VIRMA: variants seen among roughly 807,000 people sequenced by gnomAD.
VIRMA encodes vir like m6A methyltransferase associated.
Under a neutral mutation model 182.4 loss-of-function variants are expected in VIRMA, and 65 were observed. The observed-to-expected ratio is 0.36, with a 90% confidence interval of 0.29 to 0.44. The LOEUF is 0.44. VIRMA is among the 20% of genes least tolerant of loss of function. The pLI is 1.00. For missense variants in VIRMA, 1,752 were observed against 2,158.1 expected, an observed-to-expected ratio of 0.81 and a Z score of 3.73; for synonymous variants, 709 against 743.1, an observed-to-expected ratio of 0.95 and a Z score of 0.75.
At chr8:94,527,648 T>C (rs980701991) in intron 7 of VIRMA, among the ~76,000 whole-genome samples, 2 of 152,220 alleles carry the variant, frequency 1.3e-5, no homozygotes, top group African/African-American at 2.4e-5. Context: ...CTGTAACAGA[T>C]ATCTTTTCCT....
At chr8:94,525,097 C>T (rs1814910333) in intron 8 of VIRMA, among the ~76,000 whole-genome samples, 1 of 152,162 alleles carries the variant, frequency 6.6e-6, no homozygotes, top group Admixed American at 6.5e-5. Flanking sequence ...GCCTCTCTAC[C>T]TTTCTTTCTC....
At chr8:94,520,934 G>A (rs1190975735) in intron 8 of VIRMA, among the ~76,000 whole-genome samples, 3 of 152,142 alleles carry the variant, frequency 2.0e-5, no homozygotes, top group Non-Finnish European at 4.4e-5. Flanking sequence ...ATCTAGCTAT[G>A]TTGCCCAGGC....
At position 94,534,891 on chromosome 8, in the gene VIRMA, T is replaced by TGGA; in HGVS notation, c.429_431dup (p.Pro149dup). 6.2e-7 allele frequency: 1 copy of TGGA among 1,610,886 alleles called. No homozygotes were observed. The highest frequency in any genetic ancestry group is 8.5e-7 in the Non-Finnish European group (1 of 1,178,248). ...GTTGTGGCTGGGGAGGTGGTGGCGG[T>TGGA]GGAGGTGGTGGTGGTGGAGAGTCTC... On this transcript the variant is annotated inframe_insertion, in exon 5 of 24. Transcript: ENST00000297591.
intron 1 of VIRMA, among the ~76,000 whole-genome samples, chr8:94,550,749 T>G (rs1474434967): frequency 6.7e-6 from 1 of 150,322 alleles, no homozygotes; most frequent in East Asian, 2.0e-4. Flanking sequence ...GACAGAGTCT[T>G]GCTCTGTCGC....
chr8:94,499,689 C>T (rs1813900230), intron 16 of VIRMA, among the ~76,000 whole-genome samples, 183 bp from the exon 17 acceptor site: 1 of 152,062 alleles, frequency 6.6e-6, no homozygotes, highest in Non-Finnish European at 1.5e-5. Context: ...GTTACCAACT[C>T]CTTTTAAAGC....
At chr8:94,546,964 C>CA in intron 1 of VIRMA, 1 of 455,420 alleles carries the variant, frequency 2.2e-6, no homozygotes, top group Non-Finnish European at 4.4e-6. Flanking sequence ...TTTATGCCCT[C>CA]ACTCATGATG....
In VIRMA at chr8:94,509,795, CT is replaced by C; in HGVS notation, c.3771del (p.Glu1258ArgfsTer7). 6.2e-7 allele frequency: 1 copy of C among 1,614,102 alleles called. No individual in the cohort carries two copies. The highest frequency in any genetic ancestry group is 8.5e-7 in the Non-Finnish European group (1 of 1,179,982). On this transcript the variant is annotated frameshift_variant, in exon 15 of 24. Transcript: ENST00000297591. LOFTEE classifies it high-confidence loss of function. ...AAAGCTAAAAGATCCTGGAATATCT[CT>C]GCATATCTTTCATCACCTTTAATAG... ...NGTIKGDERY[A>X]EIFQDLLALV...
intron 22 of VIRMA, among the ~76,000 whole-genome samples, chr8:94,491,083 G>A (rs558666790): frequency 6.6e-5 from 10 of 151,566 alleles, no homozygotes; most frequent in Non-Finnish European, 2.9e-5. Flanking sequence ...GGAAGCCAAG[G>A]GGGGTGAATC....
In VIRMA at chr8:94,553,412, T is replaced by C; in HGVS notation, c.36A>G (p.Leu12=). The change falls in exon 1 of 24, where the codon TTA becomes TTG. Residue 12 remains leucine (L), a synonymous_variant. Transcript: ENST00000297591. ...CAGCGCTCGGGTGTTTAAAAGTATC[T>C]AAAAATAACAGCTCCATCGCCGAGT... is the stretch of plus-strand genomic sequence containing the variant. ...AVDSAMELLF[L]DTFKHPSAEQ... 5.6e-6 allele frequency: 9 copies of C among 1,614,112 alleles called. No homozygotes were observed. Among genetic ancestry groups the C allele is most frequent in the Non-Finnish European group, 7.6e-6 (9 of 1,180,000 alleles).
At chr8:94,535,880 T>C (rs1467561353) in intron 4 of VIRMA, among the ~76,000 whole-genome samples, 1 of 152,200 alleles carries the variant, frequency 6.6e-6, no homozygotes, top group Non-Finnish European at 1.5e-5. Context: ...GCCAATGCCA[T>C]TAACCCTCAA....
At chr8:94,509,648 A>C in intron 15 of VIRMA, 40 bp downstream of exon 15, 2 of 1,570,548 alleles carry the variant, frequency 1.3e-6, no homozygotes, top group Non-Finnish European at 1.7e-6. Context: ...ACACACACAT[A>C]CACATGCAGA....
intron 5 of VIRMA, 121 bp downstream of exon 5, chr8:94,534,718 C>A: frequency 8.6e-7 from 1 of 1,157,184 alleles, no homozygotes; most frequent in African/African-American, 1.6e-5. Context: ...CCCCTCTCTT[C>A]CTCTCTCCCT....
chr8:94,514,264 C>T (rs1430576842), intron 11 of VIRMA, among the ~76,000 whole-genome samples: 1 of 152,136 alleles, frequency 6.6e-6, no homozygotes, highest in Non-Finnish European at 1.5e-5. Context: ...GATGGCTCGA[C>T]TAAGGAACAG....
At chr8:94,543,401 CAAAAAAAA>C (rs1162030319) in intron 2 of VIRMA, among the ~76,000 whole-genome samples, 6 of 43,194 alleles carry the variant, frequency 1.4e-4, no homozygotes, top group African/African-American at 3.4e-4. Flanking sequence ...AACTCCATCT[CAAAAAAAA>C]AAAAAAAAAA....
intron 5 of VIRMA, 126 bp downstream of exon 5, chr8:94,534,713 C>T (rs1437567576): frequency 1.3e-5 from 15 of 1,122,688 alleles, no homozygotes; most frequent in Non-Finnish European, 1.8e-5. Flanking sequence ...CTCTCCCCCT[C>T]TCTTCCTCTC....
At chr8:94,540,421 T>C (rs916735823) in intron 2 of VIRMA, among the ~76,000 whole-genome samples, 2 of 151,830 alleles carry the variant, frequency 1.3e-5, no homozygotes, top group African/African-American at 4.8e-5. Flanking sequence ...CCAACAACTC[T>C]AGTCTCTTCC....
rs1405863380 is a variant in VIRMA, at chr8:94,527,126, T to A, written c.1118A>T (p.Lys373Ile). 6.2e-7 allele frequency: 1 copy of A among 1,614,188 alleles called. No homozygotes were observed. The highest frequency in any genetic ancestry group is 8.5e-7 in the Non-Finnish European group (1 of 1,180,038). ...ISRMKDQGPD[K>I]ENSGAIEASV... ...GGCTTCGATTGCCCCTGAATTTTCT[T>A]TATCTGGACCTTGATCCTTCATTCT... Residue 373 changes from lysine to isoleucine, a missense_variant, in exon 8 of 24, where the codon AAA (lysine) becomes ATA (isoleucine). Lys to Ile is a moderately radical substitution (Grantham distance 102). Transcript: ENST00000297591.
At chr8:94,510,709 A>T (rs1814337867) in intron 13 of VIRMA, 57 bp from the exon 14 acceptor site, 1 of 1,260,430 alleles carries the variant, frequency 7.9e-7, no homozygotes, top group African/African-American at 1.5e-5. Context: ...ATTTATAGTC[A>T]CAAAAACTGT....
At chr8:94,551,656 G>A (rs1373720519) in intron 1 of VIRMA, among the ~76,000 whole-genome samples, 1 of 152,204 alleles carries the variant, frequency 6.6e-6, no homozygotes, top group Non-Finnish European at 1.5e-5. Context: ...ATAAACTAAT[G>A]AAGGCCAATT....
Sources: allele counts gnomAD v4.1 joint callset (sites outside exome capture counted in the v4.1 genomes callset), GRCh38; gene constraint gnomAD v4.1.1; transcripts MANE v1.5; gene names NCBI Gene and HGNC (gene_info 2026-07-23, HGNC 2026-07-21).